The following GRM5 variants were observed in gnomAD, a reference collection of about 807,000 sequenced individuals.
The protein encoded by GRM5 is glutamate metabotropic receptor 5, also known as metabotropic glutamate receptor 5.
Under a neutral mutation model 83.1 loss-of-function variants are expected in GRM5, and 19 were observed. The observed-to-expected ratio is 0.23, with a 90% confidence interval of 0.16 to 0.34. GRM5 has a LOEUF of 0.34. Among genes scored for constraint, GRM5 ranks in the 10% least tolerant of loss-of-function variants. GRM5 has a pLI of 1.00. For missense variants in GRM5, 1,160 were observed against 1,588.3 expected (o/e 0.73, Z 4.58); for synonymous variants, 675 against 633.6 (o/e 1.07, Z -0.98).
In GRM5 at chr11:88,931,148, C is replaced by T. The variant is rs544298735; in HGVS notation, c.662-80993G>A. On this transcript the variant is annotated intron_variant, in intron 2 of 9. Transcript: ENST00000305447. ...TTTTCAAATGAAAAGCTTAAAACTT[C>T]TCCTGAAAATAATTCAGTGTCATTT... is the stretch of plus-strand genomic sequence containing the variant. 4.6e-5 allele frequency among the ~76,000 whole-genome samples: 7 copies of T among 151,844 alleles called. No homozygotes were observed. In the South Asian group the frequency reaches 1.2e-3, roughly 27 times the overall value.
At chr11:88,830,380 T>C (rs1166341369) in intron 3 of GRM5, among the ~76,000 whole-genome samples, 1 of 152,092 alleles carries the variant, frequency 6.6e-6, no homozygotes, top group Non-Finnish European at 1.5e-5. Context: ...ACTGAAGGTA[T>C]CTGGTACTTG....
chr11:88,640,938 A>G (rs923330631), intron 4 of GRM5, among the ~76,000 whole-genome samples: 1 of 152,142 alleles, frequency 6.6e-6, no homozygotes, highest in Non-Finnish European at 1.5e-5. Flanking sequence ...TAAAAATATG[A>G]TTGGACAAAA....
At chr11:88,549,935 A>T (rs77865275) in intron 8 of GRM5, among the ~76,000 whole-genome samples, 5,451 of 152,228 alleles carry the variant, frequency 0.036, 182 homozygotes, top group African/African-American at 0.091. Flanking sequence ...TTATGTCAGC[A>T]GTTCAGACAA....
intron 8 of GRM5, among the ~76,000 whole-genome samples, chr11:88,536,547 C>T (rs542547925): frequency 1.3e-5 from 2 of 152,304 alleles, no homozygotes; most frequent in South Asian, 4.1e-4. Flanking sequence ...TGTATCCACT[C>T]CCCCTTTGTA....
chr11:88,602,406 C>T (rs1310411810), intron 5 of GRM5, among the ~76,000 whole-genome samples: 1 of 152,106 alleles, frequency 6.6e-6, no homozygotes, highest in African/African-American at 2.4e-5. Context: ...TTAAAACGTG[C>T]TAACAGTCTG....
intron 3 of GRM5, among the ~76,000 whole-genome samples, chr11:88,832,629 T>A (rs560160490): frequency 6.6e-6 from 1 of 152,076 alleles, no homozygotes; most frequent in East Asian, 1.9e-4. Flanking sequence ...AAAATTTATA[T>A]GGAATCAAAA....
chr11:88,717,972 G>A (rs1941437878), intron 3 of GRM5, among the ~76,000 whole-genome samples: 1 of 151,582 alleles, frequency 6.6e-6, no homozygotes, highest in African/African-American at 2.4e-5. Context: ...TTTTATTTAG[G>A]CAACAGACTA....
intron 2 of GRM5, among the ~76,000 whole-genome samples, chr11:88,999,093 C>T (rs139448079): frequency 0.093 from 14,196 of 151,968 alleles, 2,121 homozygotes; most frequent in African/African-American, 0.32. Context: ...CAATTCAAGA[C>T]GGATTAAAGA....
At chr11:88,613,126 A>T (rs898778131) in intron 4 of GRM5, among the ~76,000 whole-genome samples, 1 of 152,162 alleles carries the variant, frequency 6.6e-6, no homozygotes, top group African/African-American at 2.4e-5. Flanking sequence ...GCACGTGCTC[A>T]TCTTAGAATT....
At chr11:88,801,753 G>T (rs1384177872) in intron 3 of GRM5, among the ~76,000 whole-genome samples, 2 of 152,054 alleles carry the variant, frequency 1.3e-5, no homozygotes, top group African/African-American at 4.8e-5. Context: ...CAAATGAAAG[G>T]CACATTTGCT....
chr11:89,043,466 T>C (rs536124609), intron 2 of GRM5, among the ~76,000 whole-genome samples: 1 of 152,272 alleles, frequency 6.6e-6, no homozygotes, highest in South Asian at 2.1e-4. Context: ...AACTATCACA[T>C]CTCTAGCCAC....
At chr11:88,524,087 G>A (rs952021373) in intron 9 of GRM5, 1 of 152,072 alleles carries the variant, frequency 6.6e-6, no homozygotes, top group Non-Finnish European at 1.5e-5. Flanking sequence ...GAAGAGTTAA[G>A]TCATGGCAAG....
At chr11:88,854,279 T>C (rs1427909174) in intron 2 of GRM5, among the ~76,000 whole-genome samples, 2 of 151,786 alleles carry the variant, frequency 1.3e-5, no homozygotes, top group South Asian at 2.1e-4. Context: ...ATTAAAATAA[T>C]TGCCCAACTA....
At chr11:88,849,795 A>T in intron 3 of GRM5, 111 bp downstream of exon 3, 1 of 1,003,162 alleles carries the variant, frequency 1.0e-6, no homozygotes, top group Non-Finnish European at 1.5e-6. Flanking sequence ...CTCTATTTCC[A>T]CTGCACAGAT....
chr11:88,909,403 C>T lies in GRM5; in HGVS notation c.662-59248G>A, dbSNP rs1478921387. 2.8e-4 allele frequency among the ~76,000 whole-genome samples: 3 copies of T among 10,758 alleles called. No homozygotes were observed. The East Asian group carries it at 0.037, about 134-fold the overall frequency. The allele number at this position is 10,758 out of a possible 152,430, so 7.1% of individuals were successfully genotyped here. ...GTTCATATTATTCTTTTCTACTTTC[C>T]ACTGCCAAGGTAAATCAATGGCCAG... is the stretch of plus-strand genomic sequence containing the variant. On this transcript the variant is annotated intron_variant, in intron 2 of 9. Coordinates refer to ENST00000305447, the MANE Select transcript of GRM5 (RefSeq NM_001143831.3).
At chr11:88,699,892 A>C (rs1342107051) in intron 3 of GRM5, among the ~76,000 whole-genome samples, 1 of 152,196 alleles carries the variant, frequency 6.6e-6, no homozygotes, top group Non-Finnish European at 1.5e-5. Flanking sequence ...AGCTTGATTC[A>C]TGAATGAGCA....
At chr11:88,597,473 A>G in intron 5 of GRM5, 121 bp from the exon 6 acceptor site, 1 of 571,320 alleles carries the variant, frequency 1.8e-6, no homozygotes. Flanking sequence ...GGAATTTTCC[A>G]TGACAGTACA....
chr11:89,015,905 G>A (rs577810749), intron 2 of GRM5, among the ~76,000 whole-genome samples: 1 of 152,148 alleles, frequency 6.6e-6, no homozygotes, highest in East Asian at 1.9e-4. Context: ...TAACCTCATC[G>A]CTTTTGTTTT....
At chr11:88,909,154 C>T (rs1945452509) in intron 2 of GRM5, among the ~76,000 whole-genome samples, 3 of 152,072 alleles carry the variant, frequency 2.0e-5, no homozygotes, top group South Asian at 4.1e-4. Flanking sequence ...TCTCATTTGT[C>T]CTTGTTCCTT....
Sources: allele counts gnomAD v4.1 joint callset (sites outside exome capture counted in the v4.1 genomes callset), GRCh38; gene constraint gnomAD v4.1.1; transcripts MANE v1.5; gene names NCBI Gene and HGNC (gene_info 2026-07-23, HGNC 2026-07-21).